Variants in ETFA observed in about 807,000 individuals in gnomAD.
ETFA encodes electron transfer flavoprotein subunit alpha, also known as electron transfer flavoprotein subunit alpha, mitochondrial.
Under a neutral mutation model 46.2 loss-of-function variants are expected in ETFA, and 22 were observed. The observed-to-expected ratio is 0.48, with a 90% CI of 0.34 to 0.68. The LOEUF (loss-of-function observed/expected upper bound fraction) is 0.68. Among genes scored for constraint, ETFA ranks in the 30% least tolerant of loss-of-function variants. The pLI is 0.01. For missense variants in ETFA, 345 were observed against 401.1 expected, an observed-to-expected ratio of 0.86 and a Z score of 1.19; for synonymous variants, 131 against 139.9, an observed-to-expected ratio of 0.94 and a Z score of 0.45.
intron 8 of ETFA, among the ~76,000 whole-genome samples, chr15:76,274,971 T>C (rs1185989134): frequency 6.6e-6 from 1 of 151,968 alleles, no homozygotes; most frequent in Non-Finnish European, 1.5e-5. Flanking sequence ...AACAACCCCT[T>C]CCCCAGCAGG....
intron 1 of ETFA, 93 bp from the exon 2 acceptor site, chr15:76,295,830 A>G: frequency 1.1e-6 from 1 of 901,710 alleles, no homozygotes; most frequent in Non-Finnish European, 1.7e-6. Context: ...GTATGCTTTA[A>G]AGAAAACTAT....
chr15:76,226,735 C>T (rs150704896), intron 10 of ETFA, among the ~76,000 whole-genome samples: 2,088 of 152,040 alleles, frequency 0.014, 44 homozygotes, highest in African/African-American at 0.044. Context: ...AAAAATTAGC[C>T]GGGCGTGGTG....
At chr15:76,223,235 T>TTC (rs372877905) in intron 11 of ETFA, among the ~76,000 whole-genome samples, 1 of 146,624 alleles carries the variant, frequency 6.8e-6, no homozygotes, top group Non-Finnish European at 1.5e-5. Context: ...TTTTTTTTTT[T>TTC]GAGACAGAGT....
intron 9 of ETFA, among the ~76,000 whole-genome samples, chr15:76,267,075 C>T (rs1039860869): frequency 6.6e-6 from 1 of 152,194 alleles, no homozygotes; most frequent in African/African-American, 2.4e-5. Flanking sequence ...TAAATGCTCC[C>T]TGTTCAAAGA....
chr15:76,251,876 A>G (rs1030787088), intron 9 of ETFA, among the ~76,000 whole-genome samples: 2 of 152,236 alleles, frequency 1.3e-5, no homozygotes, highest in Non-Finnish European at 2.9e-5. Context: ...GAGGGACATT[A>G]TTAAAAACGC....
At chr15:76,253,676 G>A (rs2039322638) in intron 9 of ETFA, among the ~76,000 whole-genome samples, 1 of 152,186 alleles carries the variant, frequency 6.6e-6, no homozygotes, top group African/African-American at 2.4e-5. Context: ...CTAGACAAAG[G>A]AGACGTGGTT....
intron 1 of ETFA, among the ~76,000 whole-genome samples, chr15:76,307,206 T>G (rs2039947486): frequency 6.6e-6 from 1 of 152,212 alleles, no homozygotes; most frequent in African/African-American, 2.4e-5. Context: ...ATAACAATAA[T>G]TAGGATTAAT....
intron 9 of ETFA, among the ~76,000 whole-genome samples, chr15:76,246,150 T>C (rs2039241199): frequency 6.6e-6 from 1 of 152,246 alleles, no homozygotes; most frequent in African/African-American, 2.4e-5. Context: ...AAATATTAAC[T>C]CATTTAAGCC....
intron 9 of ETFA, among the ~76,000 whole-genome samples, chr15:76,247,379 A>AT (rs992459457): frequency 6.6e-5 from 10 of 152,006 alleles, no homozygotes; most frequent in African/African-American, 2.4e-4. Context: ...ATTTTTTTAG[A>AT]TTTTTTTTCA....
intron 1 of ETFA, among the ~76,000 whole-genome samples, chr15:76,298,060 TGA>T (rs145669299): frequency 0.24 from 36,728 of 150,828 alleles, 5,341 homozygotes; most frequent in East Asian, 0.57. Flanking sequence ...TTTTTTTTTT[TGA>T]GAGAGAGTCT....
chr15:76,260,987 G>A (rs1395053725), intron 9 of ETFA: 3 of 1,609,770 alleles, frequency 1.9e-6, no homozygotes, highest in Non-Finnish European at 2.5e-6. Flanking sequence ...CCACACTAGT[G>A]TTGCCGCTGG....
chr15:76,302,960 T>C (rs1162794580), intron 1 of ETFA, among the ~76,000 whole-genome samples: 2 of 152,132 alleles, frequency 1.3e-5, no homozygotes, highest in Non-Finnish European at 2.9e-5. Flanking sequence ...GGACTACAGA[T>C]GTGTACTACC....
chr15:76,287,526 T>C (rs1320284206), intron 5 of ETFA, among the ~76,000 whole-genome samples: 1 of 152,162 alleles, frequency 6.6e-6, no homozygotes, highest in African/African-American at 2.4e-5. Context: ...TTGAGAATAC[T>C]ATTTTTTTTT....
chr15:76,222,777 A>C (rs2038970409), intron 11 of ETFA, among the ~76,000 whole-genome samples: 2 of 152,188 alleles, frequency 1.3e-5, no homozygotes, highest in South Asian at 4.1e-4. Context: ...CATGGTAACA[A>C]AGAGGAGTCT....
chr15:76,295,210 T>C (rs2039805700), intron 2 of ETFA, among the ~76,000 whole-genome samples: 1 of 152,174 alleles, frequency 6.6e-6, no homozygotes, highest in African/African-American at 2.4e-5. Flanking sequence ...AATTAAAAAT[T>C]AACATCCATA....
At chr15:76,227,598 T>A (rs2039017455) in intron 10 of ETFA, 2 of 323,966 alleles carry the variant, frequency 6.2e-6, no homozygotes, top group Admixed American at 8.4e-5. Flanking sequence ...AGTTTGGTAT[T>A]CCCCACAGAT....
At chr15:76,265,802 T>C (rs11072583) in intron 9 of ETFA, among the ~76,000 whole-genome samples, 43,506 of 152,036 alleles carry the variant, frequency 0.29, 6,659 homozygotes, top group East Asian at 0.58. Flanking sequence ...TATGGGATAT[T>C]GCTCAGGAGA....
At position 76,286,387 on chromosome 15, in the gene ETFA, A is replaced by T; in HGVS notation, c.546T>A (p.Ser182Arg). Residue 182 changes from serine to arginine, a missense_variant, in exon 6 of 12, where the codon AGT (serine) becomes AGA (arginine). Physicochemically the swap from Ser to Arg is moderately radical, Grantham distance 110 (BLOSUM62 -1). Transcript: ENST00000557943. ...SFDAAATSGG[S>R]ASSEKASSTS... Reference sequence around the variant, plus strand: ...AACACTCACCCTTTTCTGAACTGGCACTACCGCCACTTGTTGCTGCAGCAT... The same window carrying T: ...AACACTCACCCTTTTCTGAACTGGCTCTACCGCCACTTGTTGCTGCAGCAT... The T allele has an allele frequency of 6.2e-7, 1 of 1,610,534 alleles. No homozygotes were observed. Among genetic ancestry groups the T allele is most frequent in the Non-Finnish European group, 8.5e-7 (1 of 1,176,722 alleles).
intron 9 of ETFA, among the ~76,000 whole-genome samples, chr15:76,248,883 T>TA (rs200384853): frequency 0.24 from 31,105 of 131,368 alleles, 3,472 homozygotes; most frequent in African/African-American, 0.33. Context: ...TCTCAAAAAA[T>TA]AAAAAAAAAA....
Sources: gnomAD v4.1 joint callset for allele counts (sites outside exome capture counted in the v4.1 genomes callset) on GRCh38, gnomAD v4.1.1 for gene constraint, MANE v1.5 for transcripts, NCBI Gene and HGNC (gene_info 2026-07-23, HGNC 2026-07-21) for gene names.